ZDHHC23: variants seen among roughly 807,000 people sequenced by gnomAD.
ZDHHC23 encodes palmitoyltransferase ZDHHC23.
ZDHHC23 carries 41 observed loss-of-function variants against 40.2 expected under a neutral mutation model. The observed-to-expected ratio is 1.02, with a 90% CI of 0.79 to 1.32. The LOEUF (loss-of-function observed/expected upper bound fraction) is 1.32. Among genes scored for constraint, ZDHHC23 ranks in the 40% most tolerant of loss-of-function variants. The probability of loss-of-function intolerance (pLI) is 0.00; values close to 1 mark genes in which losing one functional copy is unlikely to be tolerated. For missense variants in ZDHHC23, 471 were observed against 541.5 expected (o/e 0.87, Z 1.29); for synonymous variants, 204 against 210.2 (o/e 0.97, Z 0.26).
At chr3:113,954,462 T>C in intron 3 of ZDHHC23, 52 bp downstream of exon 3, 1 of 1,452,656 alleles carries the variant, frequency 6.9e-7, no homozygotes, top group South Asian at 1.4e-5. Flanking sequence ...TGTAAAACTC[T>C]AGTTACATTT....
Position 113,948,818 on chromosome 3 carries a change from A to G in ZDHHC23, c.16A>G (p.Ser6Gly). The change falls in exon 2 of 5, where the codon AGT (serine) becomes GGT (glycine). Residue 6 changes from serine (S) to glycine (G), a missense_variant. Ser to Gly is a moderately conservative substitution (Grantham distance 56, BLOSUM62 0). Coordinates refer to ENST00000638807, the MANE Select transcript of ZDHHC23 (RefSeq NM_001320466.2). Reference sequence around the variant, plus strand: ...GGTGCAAATCATGACACAGAAGGGCAGTATGAAGCCTGTGAAGAAAAAGAA... The same window carrying G: ...GGTGCAAATCATGACACAGAAGGGCGGTATGAAGCCTGTGAAGAAAAAGAA... The part of the protein sequence containing the change: MTQKG[S>G]MKPVKKKKTE... The G allele has an allele frequency of 1.2e-6, 2 of 1,614,204 alleles. No individual in the cohort carries two copies. Among genetic ancestry groups the G allele is most frequent in the East Asian group, 2.2e-5 (1 of 44,888 alleles).
chr3:113,957,837 T>A (rs1425624589), intron 4 of ZDHHC23: 3 of 518,722 alleles, frequency 5.8e-6, no homozygotes, highest in South Asian at 4.2e-5. Context: ...AATGTCTCGG[T>A]GTTCCTACAT....
intron 3 of ZDHHC23, among the ~76,000 whole-genome samples, chr3:113,955,017 TTAAAGA>T (rs975876691): frequency 6.6e-6 from 1 of 152,324 alleles, no homozygotes; most frequent in East Asian, 1.9e-4. Context: ...AGTGCAATGT[TTAAAGA>T]TAATGTTGCA....
rs748177437 is a variant in ZDHHC23 at position 113,954,043 on chromosome 3, G to T, written c.505G>T (p.Val169Phe). ...EVVPKGRVGP[V>F]QLAVLTCGLF... ...GGTCCCCAAAGGGCGTGTGGGTCCC[G>T]TTCAGCTGGCGGTTCTTACCTGCGG... The change falls in exon 3 of 5, where the codon GTT becomes TTT. Residue 169 changes from valine to phenylalanine, a missense_variant. Val to Phe is a conservative substitution (Grantham distance 50). This residue lies in a region of ZDHHC23 where 346 missense variants were observed against 399.8 expected (regional missense o/e 0.87). Transcript: ENST00000638807. The T allele has an allele frequency of 4.3e-6, 7 of 1,614,126 alleles. No individual in the cohort carries two copies. The highest frequency in any genetic ancestry group is 5.1e-6 in the Non-Finnish European group (6 of 1,180,018).
In ZDHHC23 at chr3:113,958,732, A is replaced by T. The variant is rs1939472226; in HGVS notation, c.*102A>T. 1 of 1,586,324 alleles carries T rather than the reference A, an allele frequency of 6.3e-7. No homozygotes were observed. Among genetic ancestry groups the T allele is most frequent in the South Asian group, 1.1e-5 (1 of 89,844 alleles). ...TTTCTATCCCCAGTTTCTTAAAGGC[A>T]TTATAGGGCCATGCTCAGGTTTAGA... On this transcript the variant is annotated 3_prime_UTR_variant, in exon 5 of 5. Coordinates refer to ENST00000638807, the MANE Select transcript of ZDHHC23 (RefSeq NM_001320466.2).
At chr3:113,963,574 CAAAAAAAAAAA>C (rs10526433), downstream of ZDHHC23, among the ~76,000 whole-genome samples, 5 of 50,768 alleles carry the variant, frequency 9.8e-5, no homozygotes, top group African/African-American at 2.6e-4. Flanking sequence ...CCATCTCTAC[CAAAAAAAAAAA>C]AAAAAAAAAA....
At chr3:113,965,806 G>A (rs1940091895), downstream of ZDHHC23, among the ~76,000 whole-genome samples, 1 of 152,006 alleles carries the variant, frequency 6.6e-6, no homozygotes. Flanking sequence ...TGTTGGCCAG[G>A]CTGGTCTTGA....
downstream of ZDHHC23, among the ~76,000 whole-genome samples, chr3:113,969,887 T>C (rs537856334): frequency 5.3e-5 from 8 of 152,284 alleles, no homozygotes; most frequent in South Asian, 1.7e-3. Flanking sequence ...CCGTGAAGAA[T>C]GTTGTTGGTA....
chr3:113,952,332 T>A (rs1222823582), intron 2 of ZDHHC23, among the ~76,000 whole-genome samples: 3 of 152,200 alleles, frequency 2.0e-5, no homozygotes, highest in Non-Finnish European at 4.4e-5. Flanking sequence ...AGGATCACCT[T>A]TCTTCTAATT....
Position 113,948,946 on chromosome 3 carries a change from GGAT to G in ZDHHC23, c.147_149del (p.Asp49del), listed in dbSNP as rs755586267. ...CTTGTTTGTGTGATTGTCAAGATCT[GGAT>G]GAAGGGTGTGATCGGTAAGAACAGA... is the stretch of plus-strand genomic sequence containing the variant. On this transcript the variant is annotated inframe_deletion, in exon 2 of 5. Transcript: ENST00000638807. 3.1e-6 allele frequency: 5 copies of G among 1,614,076 alleles called. No homozygotes were observed. The highest frequency in any genetic ancestry group is 4.2e-6 in the Non-Finnish European group (5 of 1,180,048).
Position 113,962,537 on chromosome 3 carries a change from T to A in ZDHHC23, c.*3907T>A, listed in dbSNP as rs546385840. ...AGAGCTAGTCTATTCTAGTTACTGA[T>A]GCAACTAAAATTCTGTATTTCTTAA... On this transcript the variant is annotated 3_prime_UTR_variant, in exon 5 of 5. Transcript: ENST00000638807. 4 of 152,336 alleles carry A rather than the reference T, an allele frequency of 2.6e-5. No individual in the cohort carries two copies. Among genetic ancestry groups the A allele is most frequent in the Non-Finnish European group, 5.9e-5 (4 of 68,016 alleles). The allele number at this position is 152,336 out of a possible 1,614,324, so 9.4% of individuals were successfully genotyped here.
chr3:113,976,186 G>A, the ZDHHC23 span, among the ~76,000 whole-genome samples: 1 of 152,232 alleles, frequency 6.6e-6, no homozygotes, highest in South Asian at 2.1e-4. Context: ...TTGAACCCAG[G>A]AGGCGGAGGT....
intron 3 of ZDHHC23, among the ~76,000 whole-genome samples, chr3:113,956,030 T>C (rs1248676874): frequency 6.6e-6 from 1 of 152,084 alleles, no homozygotes; most frequent in Non-Finnish European, 1.5e-5. Context: ...GATCATGAGG[T>C]CAGGAGTTCA....
rs1482068898 is a variant in ZDHHC23 at position 113,948,080 on chromosome 3, G to A, written c.-228G>A. 6.6e-6 allele frequency: 1 copy of A among 150,924 alleles called. No individual in the cohort carries two copies. The highest frequency in any genetic ancestry group is 2.4e-5 in the African/African-American group (1 of 41,100). 9.3% of individuals were successfully genotyped at this position (150,924 alleles called of 1,614,324 possible). On this transcript the variant is annotated 5_prime_UTR_variant, in exon 1 of 5. Coordinates refer to ENST00000638807, the MANE Select transcript of ZDHHC23 (RefSeq NM_001320466.2). The stretch of plus-strand genomic sequence containing the variant: ...GGGTCCCGGAGACTCCTGCCGTCAC[G>A]CCCGGGGCTCCGCGTAGCAGAGATC...
downstream of ZDHHC23, among the ~76,000 whole-genome samples, chr3:113,969,775 G>A (rs1354899355): frequency 1.3e-5 from 2 of 152,142 alleles, no homozygotes; most frequent in Non-Finnish European, 2.9e-5. Context: ...TTGAAGTCAG[G>A]TAGTGTGATA....
At position 113,958,476 on chromosome 3, in the gene ZDHHC23, T is replaced by A; in HGVS notation, c.1154T>A (p.Val385Asp). The A allele has an allele frequency of 6.2e-7, 1 of 1,614,090 alleles. No homozygotes were observed. The highest frequency in any genetic ancestry group is 8.5e-7 in the Non-Finnish European group (1 of 1,180,012). ...AGCTACAATGTGACTGAGCGGGAAG[T>A]CCAGCAGGCCCTCCGACAGAAGACT... ...NISYNVTERE[V>D]QQALRQKTGR... The change falls in exon 5 of 5, where the codon GTC becomes GAC. Residue 385 changes from valine to aspartate, a missense_variant. By Grantham distance (152) the Val-to-Asp change is radical (BLOSUM62 -3). This residue lies in a region of ZDHHC23 where 346 missense variants were observed against 399.8 expected (regional missense o/e 0.87). Coordinates refer to ENST00000638807, the MANE Select transcript of ZDHHC23 (RefSeq NM_001320466.2).
the ZDHHC23 span, among the ~76,000 whole-genome samples, chr3:113,972,450 T>G: frequency 6.6e-6 from 1 of 152,298 alleles, no homozygotes; most frequent in East Asian, 1.9e-4. Flanking sequence ...CTTGATACAA[T>G]TTCTGTTTTT....
chr3:113,959,263 G>A lies in ZDHHC23; in HGVS notation c.*633G>A, dbSNP rs1333590774. 2 of 1,086,000 alleles carry A rather than the reference G, an allele frequency of 1.8e-6. No individual in the cohort carries two copies. The highest frequency in any genetic ancestry group is 2.3e-6 in the Non-Finnish European group (2 of 881,940). The allele number at this position is 1,086,000 out of a possible 1,614,324, so 67.3% of individuals were successfully genotyped here. A position where few individuals can be genotyped will look rare whatever the true frequency, so the allele number is the denominator to read the frequency against. ...TTTTCAGCATATACCTTGTTGTACA[G>A]TTATGAGAATTTCTCCTTCTTATTA... On this transcript the variant is annotated 3_prime_UTR_variant, in exon 5 of 5. Transcript: ENST00000638807.
chr3:113,951,045 C>G (rs1271549713), intron 2 of ZDHHC23, among the ~76,000 whole-genome samples: 1 of 152,220 alleles, frequency 6.6e-6, no homozygotes, highest in African/African-American at 2.4e-5. Flanking sequence ...CTCTGGGTGT[C>G]CCCGCCACCA....
Sources: gnomAD v4.1 joint callset for allele counts (sites outside exome capture counted in the v4.1 genomes callset) on GRCh38, gnomAD v4.1.1 for gene constraint, gnomAD v4.1.1 regional missense constraint, MANE v1.5 for transcripts, NCBI Gene and HGNC (gene_info 2026-07-23, HGNC 2026-07-21) for gene names.